The following FGF12 variants were observed in gnomAD, a reference collection of about 807,000 sequenced individuals.
The protein encoded by FGF12 is fibroblast growth factor 12.
A neutral mutation model predicts 23.6 loss-of-function variants in FGF12; 14 were observed. That is an observed-to-expected ratio of 0.59 (90% CI 0.39 to 0.93). The LOEUF (loss-of-function observed/expected upper bound fraction) is 0.93. Ranked by LOEUF, FGF12 falls within the 40% of genes least tolerant of loss-of-function variation. FGF12 has a pLI of 0.00. For synonymous variants in FGF12, 62 were observed against 77.3 expected (o/e 0.80, Z 1.04); for missense variants, 175 against 217.8 (o/e 0.80, Z 1.24).
chr3:192,452,308 T>C (rs1472461070), intron 2 of FGF12, among the ~76,000 whole-genome samples: 1 of 152,214 alleles, frequency 6.6e-6, no homozygotes, highest in South Asian at 2.1e-4. Flanking sequence ...TTGCATAGAT[T>C]GGTGAGTTTT....
intron 2 of FGF12, among the ~76,000 whole-genome samples, chr3:192,711,794 G>C (rs1164716280): frequency 1.3e-5 from 2 of 152,060 alleles, no homozygotes; most frequent in African/African-American, 4.8e-5. Flanking sequence ...CAAGTACCCA[G>C]GGACACAAAC....
chr3:192,203,837 T>TA (rs946484245), intron 4 of FGF12, among the ~76,000 whole-genome samples: 2 of 152,202 alleles, frequency 1.3e-5, no homozygotes, highest in East Asian at 1.9e-4. Context: ...CTTTTGGCCT[T>TA]AAAAAATCCT....
intron 3 of FGF12, among the ~76,000 whole-genome samples, chr3:192,356,785 C>T (rs990986878): frequency 3.9e-5 from 6 of 152,206 alleles, no homozygotes; most frequent in Non-Finnish European, 7.3e-5. Context: ...ACTGCTTCTA[C>T]TCCTACACAC....
intron 4 of FGF12, among the ~76,000 whole-genome samples, chr3:192,203,154 T>C (rs1347667051): frequency 6.6e-6 from 1 of 152,140 alleles, no homozygotes; most frequent in Non-Finnish European, 1.5e-5. Context: ...TGTGTGTGTG[T>C]GTGTGTACAT....
At chr3:192,378,206 G>A (rs907955940) in intron 2 of FGF12, among the ~76,000 whole-genome samples, 1 of 149,212 alleles carries the variant, frequency 6.7e-6, no homozygotes, top group Admixed American at 6.6e-5. Flanking sequence ...GAACTCCTGA[G>A]CTCAGGAGAT....
chr3:192,503,603 G>GT (rs3074674), intron 2 of FGF12, among the ~76,000 whole-genome samples: 40 of 99,114 alleles, frequency 4.0e-4, no homozygotes, highest in Middle Eastern at 5.2e-3. Context: ...GTGTGTGTGT[G>GT]TTTTTTTTTT....
intron 4 of FGF12, among the ~76,000 whole-genome samples, chr3:192,224,082 G>T (rs960336351): frequency 1.4e-4 from 21 of 152,194 alleles, no homozygotes; most frequent in African/African-American, 4.8e-4. Context: ...TAGGGATTTT[G>T]TAAGATACCT....
At chr3:192,428,608 A>G (rs899853783) in intron 2 of FGF12, among the ~76,000 whole-genome samples, 2 of 152,208 alleles carry the variant, frequency 1.3e-5, no homozygotes, top group African/African-American at 4.8e-5. Context: ...TAATTGGGCA[A>G]TGCTTCGGAA....
At chr3:192,266,662 T>C (rs1200560026) in intron 4 of FGF12, among the ~76,000 whole-genome samples, 3 of 152,108 alleles carry the variant, frequency 2.0e-5, no homozygotes, top group Non-Finnish European at 4.4e-5. Context: ...ATAAAATGAA[T>C]ATGTTAATTA....
At chr3:192,257,189 G>A (rs943816021) in intron 4 of FGF12, among the ~76,000 whole-genome samples, 7 of 152,102 alleles carry the variant, frequency 4.6e-5, no homozygotes, top group African/African-American at 1.4e-4. Context: ...GATTAAATAA[G>A]TACCTTCCCA....
intron 2 of FGF12, among the ~76,000 whole-genome samples, chr3:192,623,432 G>A (rs1715048392): frequency 6.6e-6 from 1 of 152,076 alleles, no homozygotes; most frequent in Non-Finnish European, 1.5e-5. Flanking sequence ...ACAGATTTGG[G>A]GGGTGATGCC....
Position 192,514,613 on chromosome 3 carries a change from A to C in FGF12, c.14-154075T>G. 1.2e-6 allele frequency: 1 copy of C among 830,440 alleles called. No individual in the cohort carries two copies. Among genetic ancestry groups the C allele is most frequent in the South Asian group, 5.5e-5 (1 of 18,178 alleles). 51.4% of individuals were successfully genotyped at this position (830,440 alleles called of 1,614,324 possible). The stretch of plus-strand genomic sequence containing the variant: ...GGGCGGCGGAGAGGGCCCCGGAAGA[A>C]GGGAAGGGGGCATTCTGCAGTGTTT... On this transcript the variant is annotated intron_variant, in intron 2 of 5. Coordinates refer to ENST00000445105, the MANE Select transcript of FGF12 (RefSeq NM_004113.6). This position sits in a 1 kb window ranked among gnomAD's most constrained non-coding sequence, Gnocchi z 4.9.
intron 2 of FGF12, among the ~76,000 whole-genome samples, chr3:192,657,420 TA>T (rs10663419): frequency 2.7e-4 from 39 of 144,404 alleles, no homozygotes; most frequent in African/African-American, 4.8e-4. Context: ...AGAGAACTAT[TA>T]AAAAAAAAAA....
intron 4 of FGF12, among the ~76,000 whole-genome samples, chr3:192,231,004 T>C (rs1435440336): frequency 1.3e-5 from 2 of 152,196 alleles, no homozygotes; most frequent in African/African-American, 2.4e-5. Context: ...TTTTAAGCAC[T>C]TGAATTAGTT....
intron 4 of FGF12, among the ~76,000 whole-genome samples, chr3:192,187,405 A>G (rs562879253): frequency 6.6e-6 from 1 of 152,298 alleles, no homozygotes; most frequent in East Asian, 1.9e-4. Flanking sequence ...TAAAACAGCT[A>G]TAAATGAGCC....
intron 2 of FGF12, among the ~76,000 whole-genome samples, chr3:192,466,071 C>T (rs1002891733): frequency 1.3e-5 from 2 of 152,154 alleles, no homozygotes; most frequent in Admixed American, 1.3e-4. Flanking sequence ...GTGCAGCCTC[C>T]TACATACCTA....
intron 2 of FGF12, among the ~76,000 whole-genome samples, chr3:192,634,973 C>T (rs1396760462): frequency 2.0e-5 from 3 of 152,148 alleles, no homozygotes; most frequent in Admixed American, 6.5e-5. Context: ...GATTCTCCCG[C>T]CTCAGCCTCC....
chr3:192,609,574 G>A (rs1353657404), intron 2 of FGF12, among the ~76,000 whole-genome samples: 2 of 152,026 alleles, frequency 1.3e-5, no homozygotes, highest in African/African-American at 4.8e-5. Context: ...TTGCAAGTAA[G>A]CTTGTTCTTC....
intron 2 of FGF12, among the ~76,000 whole-genome samples, chr3:192,634,792 A>G (rs1715519053): frequency 6.6e-6 from 1 of 152,216 alleles, no homozygotes; most frequent in African/African-American, 2.4e-5. Flanking sequence ...ATATTTAAGA[A>G]GAAAATAACT....
Sources: allele counts gnomAD v4.1 joint callset (sites outside exome capture counted in the v4.1 genomes callset), GRCh38; gene constraint gnomAD v4.1.1; non-coding constraint Gnocchi (gnomAD v3.1); transcripts MANE v1.5; gene names NCBI Gene and HGNC (gene_info 2026-07-23, HGNC 2026-07-21).